The following PTPRK variants were observed in gnomAD, a reference collection of about 807,000 sequenced individuals.
PTPRK encodes protein tyrosine phosphatase receptor type K.
In PTPRK, 75 loss-of-function variants were observed where a neutral mutation model predicts 178.0. The ratio of observed to expected loss-of-function variants is 0.42; its 90% CI spans 0.35 to 0.51. The LOEUF is 0.51. Among genes scored for constraint, PTPRK ranks in the 20% least tolerant of loss-of-function variants. PTPRK has a pLI of 0.02. For synonymous variants in PTPRK, 637 were observed against 620.6 expected (o/e 1.03, Z -0.39); for missense variants, 1,441 against 1,797.8 (o/e 0.80, Z 3.59).
intron 2 of PTPRK, among the ~76,000 whole-genome samples, chr6:128,365,954 C>T (rs74712331): frequency 0.014 from 2,178 of 152,250 alleles, 56 homozygotes; most frequent in African/African-American, 0.049. Flanking sequence ...TTATTAATCT[C>T]TGAATCTTTC....
Position 128,184,414 on chromosome 6 carries a change from T to C in PTPRK, c.1162+18A>G, listed in dbSNP as rs7754321. The C allele has an allele frequency of 0.022, 35,571 of 1,609,096 alleles. 1,897 individuals are homozygous for C. The highest frequency in any genetic ancestry group is 0.19 in the African/African-American group (14,511 of 74,774). ...AGATTCCTTCACAAGGTAGAAAAGG[T>C]CTGCTACTCAGTCTTACCTGCACAT... On this transcript the variant is annotated intron_variant, in intron 7 of 29. Coordinates refer to ENST00000368226, the MANE Select transcript of PTPRK (RefSeq NM_002844.4).
intron 8 of PTPRK, chr6:128,085,318 A>C (rs1031677329): frequency 6.6e-6 from 1 of 152,244 alleles, no homozygotes; most frequent in Non-Finnish European, 1.5e-5. Context: ...GCCCCTCTGC[A>C]CATCTGTGTC....
intron 7 of PTPRK, among the ~76,000 whole-genome samples, chr6:128,172,612 G>T (rs1232042687): frequency 1.3e-5 from 2 of 149,628 alleles, no homozygotes; most frequent in Non-Finnish European, 3.0e-5. Flanking sequence ...CTGATATGTA[G>T]ATATATATAT....
intron 1 of PTPRK, among the ~76,000 whole-genome samples, chr6:128,442,791 G>GA (rs1297971128): frequency 6.6e-6 from 1 of 152,148 alleles, no homozygotes; most frequent in African/African-American, 2.4e-5. Flanking sequence ...AGGGTTAAGG[G>GA]AAAAAGTCTA....
At chr6:128,239,909 C>A in intron 5 of PTPRK, 126 bp downstream of exon 5, 1 of 570,532 alleles carries the variant, frequency 1.8e-6, no homozygotes, top group South Asian at 2.9e-5. Flanking sequence ...GACAGCCTGT[C>A]CCACTACATG....
At chr6:128,156,451 G>T (rs1797964191) in intron 7 of PTPRK, among the ~76,000 whole-genome samples, 1 of 151,842 alleles carries the variant, frequency 6.6e-6, no homozygotes, top group South Asian at 2.1e-4. Context: ...AAGGTGAAGG[G>T]GAAGTAAGCA....
At chr6:128,135,614 T>A (rs1794906513) in intron 7 of PTPRK, among the ~76,000 whole-genome samples, 1 of 152,186 alleles carries the variant, frequency 6.6e-6, no homozygotes, top group African/African-American at 2.4e-5. Context: ...TCATGCACTT[T>A]GCTCCATTCA....
At chr6:128,139,887 A>T (rs77739085) in intron 7 of PTPRK, among the ~76,000 whole-genome samples, 3 of 150,996 alleles carry the variant, frequency 2.0e-5, no homozygotes, top group African/African-American at 7.3e-5. Context: ...CACTAGCAAC[A>T]TTTTTTTTTA....
At chr6:128,354,240 T>TTTTTTTG (rs1192719657) in intron 2 of PTPRK, among the ~76,000 whole-genome samples, 3 of 90,202 alleles carry the variant, frequency 3.3e-5, no homozygotes, top group Non-Finnish European at 6.7e-5. Context: ...TGTTTTTTTT[T>TTTTTTTG]TTTTTTTTTT....
intron 7 of PTPRK, among the ~76,000 whole-genome samples, chr6:128,102,164 T>C (rs542173135): frequency 3.3e-5 from 5 of 152,298 alleles, no homozygotes; most frequent in South Asian, 2.1e-4. Context: ...TTTAAAAATA[T>C]AGAATAAACT....
At chr6:128,205,558 G>A in intron 6 of PTPRK, among the ~76,000 whole-genome samples, 1 of 151,844 alleles carries the variant, frequency 6.6e-6, no homozygotes, top group East Asian at 1.9e-4. Flanking sequence ...TTGAGGTCCA[G>A]GTCAGGAGTT....
chr6:128,009,277 A>AT lies in PTPRK; in HGVS notation c.2195-10dup, dbSNP rs1778787738. ...TTCTTCTGTTGCTGCTGCTAAATGG[A>AT]TAAAAAAAAAAATCAGTTACTGAAA... On this transcript the variant is annotated splice_polypyrimidine_tract_variant and intron_variant, in intron 13 of 29. Coordinates refer to ENST00000368226, the MANE Select transcript of PTPRK (RefSeq NM_002844.4). 7 of 1,590,334 alleles carry AT rather than the reference A, an allele frequency of 4.4e-6. No homozygotes were observed. Among genetic ancestry groups the AT allele is most frequent in the Non-Finnish European group, 6.0e-6 (7 of 1,169,606 alleles).
At position 128,495,255 on chromosome 6, in the gene PTPRK, G is replaced by C. The variant is rs190148024; in HGVS notation, c.100+25004C>G. On this transcript the variant is annotated intron_variant, in intron 1 of 29. Coordinates refer to ENST00000368226, the MANE Select transcript of PTPRK (RefSeq NM_002844.4). The stretch of plus-strand genomic sequence containing the variant: ...AGGTGCCTGGGGTAAGGACCCAGTT[G>C]TTTAGAACTGAATTTTAAATGACTA... 1.1e-4 allele frequency among the ~76,000 whole-genome samples: 17 copies of C among 152,212 alleles called. No individual in the cohort carries two copies. In the East Asian group the frequency reaches 2.9e-3, roughly 26 times the overall value.
chr6:128,205,885 T>C (rs925788305), intron 6 of PTPRK, among the ~76,000 whole-genome samples: 1 of 150,624 alleles, frequency 6.6e-6, no homozygotes. Context: ...ATTCAAAAGA[T>C]AAGTCACATT....
At chr6:127,992,057 G>A (rs1260365827) in intron 19 of PTPRK, among the ~76,000 whole-genome samples, 1 of 151,776 alleles carries the variant, frequency 6.6e-6, no homozygotes, top group East Asian at 1.9e-4. Flanking sequence ...TAAAAAAGAT[G>A]TACAGGTTTC....
chr6:128,336,544 T>A (rs1179710501), intron 2 of PTPRK, among the ~76,000 whole-genome samples: 1 of 152,164 alleles, frequency 6.6e-6, no homozygotes, highest in Non-Finnish European at 1.5e-5. Context: ...GTCACATCGT[T>A]CAATCTACTA....
At chr6:128,373,969 A>G (rs931978769) in intron 2 of PTPRK, among the ~76,000 whole-genome samples, 2 of 152,234 alleles carry the variant, frequency 1.3e-5, no homozygotes, top group Non-Finnish European at 2.9e-5. Flanking sequence ...CTTCAGAAAT[A>G]CAGATGTAGC....
At chr6:128,218,804 T>C in intron 6 of PTPRK, 118 bp downstream of exon 6, 1 of 934,928 alleles carries the variant, frequency 1.1e-6, no homozygotes, top group South Asian at 1.9e-5. Context: ...GATATATTTT[T>C]TATAGTGACT....
rs185956111 is a variant in PTPRK, at chr6:128,101,399, A to C, written c.1163-11407T>G. 4.0e-3 allele frequency among the ~76,000 whole-genome samples: 605 copies of C among 152,222 alleles called. 6 individuals are homozygous for C. Among genetic ancestry groups the C allele is most frequent in the African/African-American group, 0.014 (569 of 41,568 alleles). On this transcript the variant is annotated intron_variant, in intron 7 of 29. Coordinates refer to ENST00000368226, the MANE Select transcript of PTPRK (RefSeq NM_002844.4). ...TATTAAGGATGTTAGTTTCCAGACTAAAACCTTAAAGACATCATTGGCTCT... is the reference window on the plus strand; with the variant it reads ...TATTAAGGATGTTAGTTTCCAGACTCAAACCTTAAAGACATCATTGGCTCT...
Sources: gnomAD v4.1 joint callset for allele counts (sites outside exome capture counted in the v4.1 genomes callset) on GRCh38, gnomAD v4.1.1 for gene constraint, MANE v1.5 for transcripts, NCBI Gene and HGNC (gene_info 2026-07-23, HGNC 2026-07-21) for gene names.